The following MSRB3 variants were observed in gnomAD, a reference collection of about 807,000 sequenced individuals.
MSRB3 encodes methionine-R-sulfoxide reductase B3.
MSRB3 carries 13 observed loss-of-function variants against 21.0 expected under a neutral mutation model. The observed-to-expected ratio is 0.62, with a 90% CI of 0.40 to 0.98. The LOEUF is 0.98. MSRB3 is among the 50% of genes least tolerant of loss of function. The pLI is 0.00. For missense variants in MSRB3, 199 were observed against 230.3 expected (o/e 0.86, Z 0.88); for synonymous variants, 87 against 88.6 (o/e 0.98, Z 0.10).
intron 5 of MSRB3, among the ~76,000 whole-genome samples, chr12:65,401,077 G>A (rs1051996805): frequency 6.6e-6 from 1 of 152,322 alleles, no homozygotes; most frequent in Non-Finnish European, 1.5e-5. Flanking sequence ...TGAGAAGAAT[G>A]TATATTCTGT....
At chr12:65,361,917 T>A (rs911161357) in intron 4 of MSRB3, among the ~76,000 whole-genome samples, 11 of 152,166 alleles carry the variant, frequency 7.2e-5, no homozygotes, top group African/African-American at 1.7e-4. Context: ...TTCAGTTTTT[T>A]AAAAAATTAA....
intron 5 of MSRB3, among the ~76,000 whole-genome samples, chr12:65,435,854 T>G (rs1239837393): frequency 6.6e-6 from 1 of 151,868 alleles, no homozygotes; most frequent in Non-Finnish European, 1.5e-5. Context: ...GTATATGTAT[T>G]TGGATTAATT....
intron 1 of MSRB3, among the ~76,000 whole-genome samples, chr12:65,303,505 C>A (rs919753279): frequency 3.3e-5 from 5 of 152,010 alleles, no homozygotes; most frequent in Non-Finnish European, 7.4e-5. Context: ...TATTTTAATT[C>A]AAATTATTAC....
intron 4 of MSRB3, among the ~76,000 whole-genome samples, chr12:65,336,885 A>G (rs1243686838): frequency 6.6e-6 from 1 of 152,240 alleles, no homozygotes; most frequent in Non-Finnish European, 1.5e-5. Context: ...AACCCATCAC[A>G]TAACATTGTC....
At chr12:65,410,337 G>T (rs1047372590) in intron 5 of MSRB3, among the ~76,000 whole-genome samples, 2 of 152,104 alleles carry the variant, frequency 1.3e-5, no homozygotes, top group Non-Finnish European at 2.9e-5. Flanking sequence ...TAGGGAAATG[G>T]TTAGGAGCAT....
At chr12:65,353,476 G>A (rs939599347) in intron 4 of MSRB3, among the ~76,000 whole-genome samples, 6 of 152,168 alleles carry the variant, frequency 3.9e-5, no homozygotes, top group Non-Finnish European at 8.8e-5. Flanking sequence ...TTACCATTAT[G>A]TAATGGCCTT....
chr12:65,412,687 G>T (rs1880778567), intron 5 of MSRB3, among the ~76,000 whole-genome samples: 1 of 152,038 alleles, frequency 6.6e-6, no homozygotes. Flanking sequence ...GAGGTGTATG[G>T]TTTGGCAGTC....
At chr12:65,352,036 TTGA>T (rs1268219638) in intron 4 of MSRB3, among the ~76,000 whole-genome samples, 1 of 151,764 alleles carries the variant, frequency 6.6e-6, no homozygotes, top group Non-Finnish European at 1.5e-5. Context: ...ACCAATATCC[TTGA>T]TGAACATTGA....
chr12:65,369,095 C>T lies in MSRB3; in HGVS notation c.292+69C>T, dbSNP rs61376486. ...CATTATTCTCTGAGGAGTAAATCAT[C>T]AGATCAAGAACCATTTTGATTTTAA... On this transcript the variant is annotated intron_variant, in intron 5 of 6. Coordinates refer to ENST00000308259, the MANE Select transcript of MSRB3 (RefSeq NM_001031679.3). 9.9e-3 allele frequency: 11,502 copies of T among 1,162,766 alleles called. 843 individuals carry two copies. The African/African-American group carries it at 0.16, about 16-fold the overall frequency. The allele number at this position is 1,162,766 out of a possible 1,614,324, so 72.0% of individuals were successfully genotyped here.
intron 1 of MSRB3, among the ~76,000 whole-genome samples, chr12:65,297,611 C>G (rs930688071): frequency 6.6e-6 from 1 of 152,034 alleles, no homozygotes; most frequent in Non-Finnish European, 1.5e-5. Flanking sequence ...TACCAGAGAG[C>G]GTTGAGGATT....
intron 1 of MSRB3, 137 bp downstream of exon 1, chr12:65,279,002 C>T (rs1871833867): frequency 6.8e-7 from 1 of 1,470,860 alleles, no homozygotes; most frequent in Admixed American, 2.3e-5. Flanking sequence ...GGGACAGCCC[C>T]TGCCTCAGCC....
chr12:65,363,952 C>T (rs954687981), intron 4 of MSRB3, among the ~76,000 whole-genome samples: 1 of 152,112 alleles, frequency 6.6e-6, no homozygotes, highest in Non-Finnish European at 1.5e-5. Flanking sequence ...TGTTCCTGGG[C>T]AACAGAGTGA....
At chr12:65,393,825 T>C (rs1471832016) in intron 5 of MSRB3, among the ~76,000 whole-genome samples, 2 of 152,058 alleles carry the variant, frequency 1.3e-5, no homozygotes, top group African/African-American at 2.4e-5. Flanking sequence ...AGTGTTATTG[T>C]TGATGTGTGG....
chr12:65,350,983 C>T (rs1224819676), intron 4 of MSRB3, among the ~76,000 whole-genome samples: 7 of 149,720 alleles, frequency 4.7e-5, no homozygotes, highest in African/African-American at 1.2e-4. Flanking sequence ...CTACAGAACT[C>T]TCCACCCCAA....
intron 4 of MSRB3, among the ~76,000 whole-genome samples, chr12:65,361,960 C>A (rs1169015838): frequency 6.6e-6 from 1 of 151,984 alleles, no homozygotes; most frequent in Non-Finnish European, 1.5e-5. Context: ...TTATTTAAAT[C>A]ATTATTATCG....
chr12:65,445,156 C>A (rs1284151508), intron 5 of MSRB3, among the ~76,000 whole-genome samples: 1 of 152,134 alleles, frequency 6.6e-6, no homozygotes, highest in East Asian at 1.9e-4. Context: ...TGCCCTTCTT[C>A]ACTGCCCTGC....
chr12:65,434,427 A>C (rs1565890450), intron 5 of MSRB3, among the ~76,000 whole-genome samples: 1 of 151,990 alleles, frequency 6.6e-6, no homozygotes, highest in East Asian at 1.9e-4. Context: ...TAACATGGTA[A>C]GACAACAGAC....
intron 4 of MSRB3, among the ~76,000 whole-genome samples, chr12:65,346,545 C>T (rs898351774): frequency 6.6e-6 from 1 of 152,092 alleles, no homozygotes; most frequent in Non-Finnish European, 1.5e-5. Flanking sequence ...TGACTGTTCA[C>T]TCTGATGGTA....
intron 5 of MSRB3, chr12:65,418,782 G>A: frequency 1.0e-6 from 1 of 968,094 alleles, no homozygotes; most frequent in Non-Finnish European, 1.6e-6. Context: ...CCACTGTCTG[G>A]CGGGTGGTGG....
Sources: gnomAD v4.1 joint callset for allele counts (sites outside exome capture counted in the v4.1 genomes callset) on GRCh38, gnomAD v4.1.1 for gene constraint, MANE v1.5 for transcripts, NCBI Gene and HGNC (gene_info 2026-07-23, HGNC 2026-07-21) for gene names.